Variants in RNMT observed in about 807,000 individuals in gnomAD.
RNMT encodes the protein RNA guanine-7 methyltransferase.
In RNMT, 27 loss-of-function variants were observed where a neutral mutation model predicts 56.0. That is an observed-to-expected ratio of 0.48 (90% CI 0.36 to 0.67). The LOEUF is 0.67. Ranked by LOEUF, RNMT falls within the 30% of genes least tolerant of loss-of-function variation. RNMT has a pLI of 0.00. For synonymous variants in RNMT, 184 were observed against 176.2 expected (o/e 1.04, Z -0.35); for missense variants, 519 against 552.1 (o/e 0.94, Z 0.60).
intron 9 of RNMT, among the ~76,000 whole-genome samples, chr18:13,748,303 C>T (rs1445434545): frequency 6.6e-6 from 1 of 152,152 alleles, no homozygotes; most frequent in African/African-American, 2.4e-5. Flanking sequence ...GGGACAGAAG[C>T]AGTAATAGCA....
rs1275994158 is a variant in RNMT, at chr18:13,764,130, C to T, written c.*4151C>T. On this transcript the variant is annotated 3_prime_UTR_variant, in exon 12 of 12. Transcript: ENST00000383314. The stretch of plus-strand genomic sequence containing the variant: ...GTGGCAGGAGCTGAGAATGCCAGTA[C>T]GAGAGTGTAGCCAAAGTGAGAGGCT... 12 of 152,078 alleles carry T rather than the reference C, an allele frequency of 7.9e-5. No homozygotes were observed. Among genetic ancestry groups the T allele is most frequent in the African/African-American group, 1.4e-4 (6 of 41,402 alleles). 9.4% of individuals were successfully genotyped at this position (152,078 alleles called of 1,614,324 possible).
At chr18:13,733,122 CT>C (rs1255464509) in intron 3 of RNMT, among the ~76,000 whole-genome samples, 1 of 152,010 alleles carries the variant, frequency 6.6e-6, no homozygotes, top group Admixed American at 6.6e-5. Context: ...CCTTTTTCAA[CT>C]GAAAATCTTA....
At position 13,760,066 on chromosome 18, in the gene RNMT, C is replaced by T. The variant is rs2044601035; in HGVS notation, c.*87C>T. The T allele has an allele frequency of 2.0e-6, 3 of 1,535,622 alleles. No homozygotes were observed. The East Asian group carries it at 7.0e-5, about 36-fold the overall frequency. Reference sequence around the variant, plus strand: ...CTCGATATATTTGATATTTCTCTGTCTGTTGATTTTAATTCTAAATGTGCA... The same window carrying T: ...CTCGATATATTTGATATTTCTCTGTTTGTTGATTTTAATTCTAAATGTGCA... On this transcript the variant is annotated 3_prime_UTR_variant, in exon 12 of 12. Coordinates refer to ENST00000383314, the MANE Select transcript of RNMT (RefSeq NM_003799.3).
At chr18:13,734,076 G>T (rs1361749875) in intron 3 of RNMT, among the ~76,000 whole-genome samples, 1 of 152,142 alleles carries the variant, frequency 6.6e-6, no homozygotes, top group Non-Finnish European at 1.5e-5. Context: ...CACGAGATCT[G>T]ATGGTTTTAT....
intron 3 of RNMT, among the ~76,000 whole-genome samples, chr18:13,734,169 G>A (rs1315424900): frequency 1.3e-5 from 2 of 152,070 alleles, no homozygotes; most frequent in African/African-American, 2.4e-5. Context: ...CACCATGATT[G>A]TGAGGCCTCC....
intron 1 of RNMT, among the ~76,000 whole-genome samples, chr18:13,728,315 TTTTTTTTTTTTTTTTTGTGTGTGTGTG>T (rs2044001268): frequency 7.4e-5 from 1 of 13,444 alleles, no homozygotes. Flanking sequence ...TTTTTTTTTT[TTTTTTTTTTTTTTTTTGTGTGTGTGTG>T]TGTGTGTGTG....
chr18:13,744,555 C>T (rs2044321054), intron 8 of RNMT, among the ~76,000 whole-genome samples: 1 of 152,190 alleles, frequency 6.6e-6, no homozygotes, highest in Admixed American at 6.5e-5. Flanking sequence ...GAATAAAAAA[C>T]TTGGTTTCAT....
intron 7 of RNMT, 24 bp from the exon 8 acceptor site, chr18:13,742,464 T>A: frequency 6.2e-7 from 1 of 1,605,860 alleles, no homozygotes; most frequent in Admixed American, 1.7e-5. Flanking sequence ...TCTTTTTATT[T>A]TGGTTGGGGG....
chr18:13,732,232 G>T (rs2044082824), intron 3 of RNMT, among the ~76,000 whole-genome samples: 1 of 151,930 alleles, frequency 6.6e-6, no homozygotes, highest in African/African-American at 2.4e-5. Context: ...GTCTTGCACT[G>T]TCGCCCAGGC....
rs1398286427 is a variant in RNMT, at chr18:13,731,785, C to G, written c.268C>G (p.Pro90Ala). The G allele has an allele frequency of 3.1e-6, 5 of 1,612,692 alleles. No individual in the cohort carries two copies. The highest frequency in any genetic ancestry group is 4.2e-6 in the Non-Finnish European group (5 of 1,179,710). ...GAGAAAACTTGATCCTGAAATTGTC[C>G]CAGAGGAAAAAGATTGTGGTGATGC... Reference protein sequence around the residue: ...KKRKLDPEIVPEEKDCGDAEG... With the variant: ...KKRKLDPEIVAEEKDCGDAEG... Residue 90 changes from proline to alanine, a missense_variant, in exon 3 of 12, where the codon CCA becomes GCA. Physicochemically the swap from Pro to Ala is conservative, Grantham distance 27. Transcript: ENST00000383314.
intron 1 of RNMT, among the ~76,000 whole-genome samples, chr18:13,729,011 CCTGT>C (rs1370216685): frequency 3.9e-5 from 6 of 152,082 alleles, no homozygotes; most frequent in African/African-American, 1.4e-4. Context: ...GCTTTTGTTG[CCTGT>C]GCTTTTGAGG....
intron 11 of RNMT, 83 bp from the exon 12 acceptor site, chr18:13,759,859 T>A: frequency 7.9e-7 from 1 of 1,272,182 alleles, no homozygotes; most frequent in Non-Finnish European, 1.1e-6. Flanking sequence ...GCCTAAGAAT[T>A]TTCACCAAAT....
intron 8 of RNMT, among the ~76,000 whole-genome samples, chr18:13,743,574 A>G (rs974886187): frequency 3.3e-5 from 5 of 152,092 alleles, no homozygotes; most frequent in African/African-American, 7.2e-5. Context: ...CTTACCAGGT[A>G]AGGCTTCAAG....
At chr18:13,752,460 G>A (rs1276448227) in intron 10 of RNMT, 33 bp downstream of exon 10, 1 of 1,345,362 alleles carries the variant, frequency 7.4e-7, no homozygotes, top group Admixed American at 1.8e-5. Context: ...ATTTTATAGA[G>A]AATGAAAAAA....
intron 9 of RNMT, among the ~76,000 whole-genome samples, chr18:13,751,103 A>G (rs1320543663): frequency 1.3e-5 from 2 of 152,220 alleles, no homozygotes; most frequent in Non-Finnish European, 2.9e-5. Flanking sequence ...ACAAAAGCCA[A>G]AACTGACAAA....
intron 11 of RNMT, among the ~76,000 whole-genome samples, chr18:13,758,017 G>A (rs1413547309): frequency 6.6e-6 from 1 of 152,164 alleles, no homozygotes; most frequent in Non-Finnish European, 1.5e-5. Flanking sequence ...TTGCCAATGA[G>A]CGGTAATATT....
At chr18:13,745,886 T>C (rs1379610925) in intron 8 of RNMT, among the ~76,000 whole-genome samples, 1 of 152,204 alleles carries the variant, frequency 6.6e-6, no homozygotes, top group Non-Finnish European at 1.5e-5. Context: ...CTGTTTGCAG[T>C]GCAGCTGTGA....
chr18:13,752,213 A>T, intron 9 of RNMT, 113 bp from the exon 10 acceptor site: 1 of 648,742 alleles, frequency 1.5e-6, no homozygotes, highest in Non-Finnish European at 2.7e-6. Context: ...TGTATTCCTG[A>T]AGTAGTACTT....
chr18:13,748,718 A>G (rs1329685146), intron 9 of RNMT, among the ~76,000 whole-genome samples: 1 of 152,172 alleles, frequency 6.6e-6, no homozygotes, highest in African/African-American at 2.4e-5. Context: ...TTTCACCAGC[A>G]AACATATTCT....
Sources: gnomAD v4.1 joint callset for allele counts (sites outside exome capture counted in the v4.1 genomes callset) on GRCh38, gnomAD v4.1.1 for gene constraint, MANE v1.5 for transcripts, NCBI Gene and HGNC (gene_info 2026-07-23, HGNC 2026-07-21) for gene names.